RAB38: variants seen among roughly 807,000 people sequenced by gnomAD.
The protein encoded by RAB38 is RAB38, member RAS oncogene family, also known as ras-related protein Rab-38.
RAB38 carries 15 observed loss-of-function variants against 18.4 expected under a neutral mutation model. The observed-to-expected ratio is 0.82, with a 90% CI of 0.55 to 1.26. RAB38 has a LOEUF of 1.26. Among genes scored for constraint, RAB38 ranks in the 50% most tolerant of loss-of-function variants. RAB38 has a pLI of 0.00. For synonymous variants in RAB38, 101 were observed against 104.4 expected, an observed-to-expected ratio of 0.97 and a Z score of 0.20; for missense variants, 294 against 267.4, an observed-to-expected ratio of 1.10 and a Z score of -0.69.
At chr11:88,095,451 T>C in the RAB38 span, among the ~76,000 whole-genome samples, 1 of 151,866 alleles carries the variant, frequency 6.6e-6, no homozygotes, top group African/African-American at 2.4e-5. Context: ...CTTGAAACAT[T>C]CTCATTTGGC....
the RAB38 span, chr11:87,816,115 G>A: frequency 6.6e-6 from 1 of 152,122 alleles, no homozygotes; most frequent in Non-Finnish European, 1.5e-5. Flanking sequence ...ATGAGTAGTT[G>A]ATCATTTTTA....
At chr11:88,143,076 A>G (rs868214674) in intron 2 of RAB38, among the ~76,000 whole-genome samples, 3 of 152,194 alleles carry the variant, frequency 2.0e-5, no homozygotes, top group African/African-American at 4.8e-5. Context: ...CGGTAGTGCA[A>G]TGTGGTGGTT....
the RAB38 span, among the ~76,000 whole-genome samples, chr11:87,941,214 G>GATAGATAGATATATATAT: frequency 1.6e-5 from 1 of 62,536 alleles, no homozygotes; most frequent in African/African-American, 7.6e-5. Context: ...AAATATATGA[G>GATAGATAGATATATATAT]ATATATATAT....
At chr11:87,929,563 G>GT in the RAB38 span, among the ~76,000 whole-genome samples, 374 of 144,928 alleles carry the variant, frequency 2.6e-3, 2 homozygotes, top group African/African-American at 7.7e-3. Context: ...CTTTTTTTTG[G>GT]TTTTTTTTTT....
At chr11:88,046,385 C>T in the RAB38 span, among the ~76,000 whole-genome samples, 1 of 152,190 alleles carries the variant, frequency 6.6e-6, no homozygotes, top group Non-Finnish European at 1.5e-5. Context: ...CATATACTCT[C>T]CTATCCTCAA....
chr11:88,135,338 G>A (rs1185029801), intron 2 of RAB38, among the ~76,000 whole-genome samples: 2 of 152,096 alleles, frequency 1.3e-5, no homozygotes, highest in African/African-American at 2.4e-5. Flanking sequence ...AGGTGAGAGG[G>A]ATTTTATCTA....
chr11:88,109,273 G>T (rs557418297), downstream of RAB38, among the ~76,000 whole-genome samples: 7 of 152,250 alleles, frequency 4.6e-5, no homozygotes, highest in South Asian at 1.5e-3. Flanking sequence ...CATGCGGAAA[G>T]GATTCCCTAT....
At chr11:87,817,204 A>C in the RAB38 span, 2 of 152,178 alleles carry the variant, frequency 1.3e-5, no homozygotes, top group African/African-American at 4.8e-5. Flanking sequence ...TGTTCCCACA[A>C]GACCTTGCTG....
chr11:87,886,830 T>TG, the RAB38 span, among the ~76,000 whole-genome samples: 2 of 151,394 alleles, frequency 1.3e-5, no homozygotes, highest in African/African-American at 2.4e-5. Context: ...ACTTGTTTTT[T>TG]TTTTTTTTTT....
chr11:87,838,335 C>T, the RAB38 span, among the ~76,000 whole-genome samples: 6 of 152,074 alleles, frequency 3.9e-5, no homozygotes, highest in East Asian at 7.7e-4. Context: ...AGGATGGTCT[C>T]GATCTCCTGA....
the RAB38 span, among the ~76,000 whole-genome samples, chr11:88,069,618 T>A: frequency 2.0e-5 from 3 of 151,576 alleles, no homozygotes; most frequent in Admixed American, 2.0e-4. Flanking sequence ...CAATCAGCAC[T>A]CTGTATCTAG....
chr11:87,857,962 G>C, the RAB38 span, among the ~76,000 whole-genome samples: 1 of 152,116 alleles, frequency 6.6e-6, no homozygotes, highest in Non-Finnish European at 1.5e-5. Flanking sequence ...GAATGCTATT[G>C]CCTAGGTTTT....
the RAB38 span, among the ~76,000 whole-genome samples, chr11:88,021,372 C>A: frequency 6.6e-6 from 1 of 151,866 alleles, no homozygotes; most frequent in African/African-American, 2.4e-5. Context: ...ATACAGCCTA[C>A]CAAGATTGAA....
the RAB38 span, among the ~76,000 whole-genome samples, chr11:87,840,497 A>G: frequency 2.6e-5 from 4 of 152,216 alleles, no homozygotes; most frequent in Non-Finnish European, 5.9e-5. Flanking sequence ...CATCCAGGGT[A>G]ACACAGGTCC....
chr11:87,974,523 C>T, the RAB38 span, among the ~76,000 whole-genome samples: 1 of 151,596 alleles, frequency 6.6e-6, no homozygotes, highest in African/African-American at 2.4e-5. Flanking sequence ...TACAATAAAA[C>T]CTCAGGAAAA....
At chr11:88,095,703 A>G in the RAB38 span, among the ~76,000 whole-genome samples, 61 of 152,012 alleles carry the variant, frequency 4.0e-4, no homozygotes, top group African/African-American at 1.3e-3. Context: ...ATTATATATC[A>G]TATGTCCAAC....
chr11:87,853,770 TA>T, the RAB38 span, among the ~76,000 whole-genome samples: 1 of 152,244 alleles, frequency 6.6e-6, no homozygotes, highest in African/African-American at 2.4e-5. Flanking sequence ...CAAATCACCA[TA>T]AACTTAATAG....
At chr11:88,084,021 A>T in the RAB38 span, among the ~76,000 whole-genome samples, 1 of 151,970 alleles carries the variant, frequency 6.6e-6, no homozygotes, top group East Asian at 1.9e-4. Context: ...GTAAGTATTC[A>T]ATAAATGTTC....
At chr11:87,825,710 CT>C in the RAB38 span, among the ~76,000 whole-genome samples, 7 of 151,944 alleles carry the variant, frequency 4.6e-5, no homozygotes, top group African/African-American at 1.7e-4. Context: ...GGAAGCAGTC[CT>C]GGGTAAGGCT....
Sources: allele counts gnomAD v4.1 joint callset (sites outside exome capture counted in the v4.1 genomes callset), GRCh38; gene constraint gnomAD v4.1.1; transcripts MANE v1.5; gene names NCBI Gene and HGNC (gene_info 2026-07-23, HGNC 2026-07-21).